NRXN2: variants seen among roughly 807,000 people sequenced by gnomAD.
The protein encoded by NRXN2 is neurexin-2-beta.
NRXN2 carries 29 observed loss-of-function variants against 128.8 expected under a neutral mutation model. The ratio of observed to expected loss-of-function variants is 0.23; its 90% confidence interval spans 0.17 to 0.31. The LOEUF (loss-of-function observed/expected upper bound fraction) is 0.31. Among genes scored for constraint, NRXN2 ranks in the 10% least tolerant of loss-of-function variants. The pLI, the probability that NRXN2 is intolerant of heterozygous loss-of-function variation, is 1.00. For missense variants in NRXN2, 1,881 were observed against 2,452.6 expected, an observed-to-expected ratio of 0.77 and a Z score of 4.92; for synonymous variants, 1,098 against 1,075.2, an observed-to-expected ratio of 1.02 and a Z score of -0.41.
chr11:64,661,358 G>A, intron 9 of NRXN2: 1 of 1,441,932 alleles, frequency 6.9e-7, no homozygotes, highest in Non-Finnish European at 9.1e-7. Context: ...CTGTGACGCA[G>A]CCCCAGCCCA....
In NRXN2 at chr11:64,648,987, C is replaced by T; in HGVS notation, c.3110-80G>A. On this transcript the variant is annotated intron_variant, in intron 15 of 22. Transcript: ENST00000265459. This position sits in a 1 kb window ranked among gnomAD's most constrained non-coding sequence, Gnocchi z 4.1. The stretch of plus-strand genomic sequence containing the variant: ...CAATGGCATCTGGCTGTCAGGTCCT[C>T]CCAGCCTTCTCAGGTTCTCTGCGTT... 1 of 1,459,126 alleles carries T rather than the reference C, an allele frequency of 6.9e-7. No homozygotes were observed. The highest frequency in any genetic ancestry group is 1.1e-5 in the South Asian group (1 of 87,454). 90.4% of individuals were successfully genotyped at this position (1,459,126 alleles called of 1,614,324 possible). A position where few individuals can be genotyped will look rare whatever the true frequency, so the allele number is the denominator to read the frequency against.
intron 17 of NRXN2, chr11:64,643,436 T>A: frequency 8.1e-6 from 1 of 122,974 alleles, no homozygotes; most frequent in South Asian, 3.1e-4. Context: ...GAGGAGGGGA[T>A]AGGAGAGGAG....
chr11:64,611,344 C>T (rs142074933), intron 22 of NRXN2, among the ~76,000 whole-genome samples: 147 of 152,334 alleles, frequency 9.6e-4, no homozygotes, highest in Non-Finnish European at 1.8e-3. Context: ...CCAGCTCCCA[C>T]CCCAGCTCAC....
intron 2 of NRXN2, among the ~76,000 whole-genome samples, chr11:64,705,809 A>C (rs1017791744): frequency 1.3e-5 from 2 of 150,066 alleles, no homozygotes; most frequent in African/African-American, 2.5e-5. Context: ...AACCGTGCAG[A>C]CCTGAAACTT....
At chr11:64,677,561 T>C (rs1474544916) in intron 6 of NRXN2, among the ~76,000 whole-genome samples, 2 of 152,308 alleles carry the variant, frequency 1.3e-5, no homozygotes, top group East Asian at 3.9e-4. Context: ...CCCTGGGTTA[T>C]AAGCGTGTTA....
At chr11:64,638,293 G>T (rs1391735653) in intron 17 of NRXN2, among the ~76,000 whole-genome samples, 1 of 152,238 alleles carries the variant, frequency 6.6e-6, no homozygotes, top group Non-Finnish European at 1.5e-5. Flanking sequence ...GGGACTGGGC[G>T]GAGAGACACT....
At chr11:64,664,466 G>A (rs1385791883) in intron 9 of NRXN2, among the ~76,000 whole-genome samples, 1 of 130,368 alleles carries the variant, frequency 7.7e-6, no homozygotes. Context: ...CAACGAGAGC[G>A]AAACTCCGTG....
intron 7 of NRXN2, among the ~76,000 whole-genome samples, chr11:64,673,656 AAGACAGTATTG>A (rs1227778461): frequency 2.6e-5 from 4 of 151,998 alleles, no homozygotes; most frequent in African/African-American, 7.2e-5. Context: ...GGACTGAAAC[AAGACAGTATTG>A]TTTACTTTTT....
chr11:64,673,823 G>A (rs2135529367), intron 7 of NRXN2, among the ~76,000 whole-genome samples: 1 of 152,228 alleles, frequency 6.6e-6, no homozygotes, highest in Middle Eastern at 3.4e-3. Context: ...TGGAATGCCT[G>A]AGCTCAGCAG....
At chr11:64,678,477 G>A (rs2135544511) in intron 6 of NRXN2, among the ~76,000 whole-genome samples, 1 of 151,928 alleles carries the variant, frequency 6.6e-6, no homozygotes, top group East Asian at 1.9e-4. Context: ...ATAAACCCCT[G>A]AGTCTCCACT....
chr11:64,639,667 G>C (rs2045358346), intron 17 of NRXN2, among the ~76,000 whole-genome samples: 1 of 152,046 alleles, frequency 6.6e-6, no homozygotes, highest in Non-Finnish European at 1.5e-5. Context: ...GGCAGGTAAG[G>C]ACATTATGTA....
In NRXN2 at chr11:64,714,173, G is replaced by C. The variant is rs2135679251; in HGVS notation, c.-244-230C>G. On this transcript the variant is annotated intron_variant, in intron 1 of 22. Coordinates refer to ENST00000265459, the MANE Select transcript of NRXN2 (RefSeq NM_015080.4). This position sits in a 1 kb window ranked among gnomAD's most constrained non-coding sequence, Gnocchi z 4.5. ...TAGGGGCAGCATTGGTTTGAGATGT[G>C]GACAGGGAGAGGTGACACGTTCGAG... is the stretch of plus-strand genomic sequence containing the variant. 6.6e-6 allele frequency among the ~76,000 whole-genome samples: 1 copy of C among 151,366 alleles called. No homozygotes were observed. The highest frequency in any genetic ancestry group is 2.0e-4 in the East Asian group (1 of 5,056).
intron 18 of NRXN2, among the ~76,000 whole-genome samples, chr11:64,634,098 C>A (rs1800701230): frequency 6.6e-6 from 1 of 152,142 alleles, no homozygotes; most frequent in Admixed American, 6.5e-5. Context: ...CCCAAACAAG[C>A]CTCTCCCCTG....
At chr11:64,699,229 A>G (rs1224373839) in intron 2 of NRXN2, among the ~76,000 whole-genome samples, 1 of 152,010 alleles carries the variant, frequency 6.6e-6, no homozygotes, top group Non-Finnish European at 1.5e-5. Context: ...CTAGACACAC[A>G]CACCACCACC....
chr11:64,643,108 G>A (rs1223396750), intron 17 of NRXN2: 4 of 985,308 alleles, frequency 4.1e-6, no homozygotes, highest in East Asian at 1.2e-4. Flanking sequence ...AAACCCGGGG[G>A]AGCGCCCGGG....
intron 2 of NRXN2, among the ~76,000 whole-genome samples, chr11:64,701,926 G>A (rs1592221565): frequency 7.3e-6 from 1 of 136,470 alleles, no homozygotes; most frequent in East Asian, 2.4e-4. Flanking sequence ...CCCCCGCCCG[G>A]CCAGCCGCCC....
intron 17 of NRXN2, chr11:64,642,592 C>T (rs2045876966): frequency 6.2e-7 from 1 of 1,610,238 alleles, no homozygotes; most frequent in Admixed American, 1.7e-5. Context: ...GGGCACGGTG[C>T]CGTGCTTGCT....
chr11:64,622,638 G>A lies in NRXN2; in HGVS notation c.4173+115C>T. ...CAAAGTCAGCGACAGCAGCCTTCAG[G>A]ATCCCAACAGACCCCTTGGACCCTC... On this transcript the variant is annotated intron_variant, in intron 21 of 22. Transcript: ENST00000265459. This position sits in a 1 kb window ranked among gnomAD's most constrained non-coding sequence, Gnocchi z 4.3. The A allele has an allele frequency of 1.4e-6, 2 of 1,430,272 alleles. No individual in the cohort carries two copies. Among genetic ancestry groups the A allele is most frequent in the Non-Finnish European group, 1.9e-6 (2 of 1,060,472 alleles). The allele number at this position is 1,430,272 out of a possible 1,614,324, so 88.6% of individuals were successfully genotyped here.
intron 2 of NRXN2, among the ~76,000 whole-genome samples, chr11:64,703,121 T>C (rs550015155): frequency 2.0e-5 from 3 of 152,300 alleles, no homozygotes; most frequent in East Asian, 3.9e-4. Flanking sequence ...AATTATCTTA[T>C]TGAATCTCTA....
Sources: allele counts gnomAD v4.1 joint callset (sites outside exome capture counted in the v4.1 genomes callset), GRCh38; gene constraint gnomAD v4.1.1; non-coding constraint Gnocchi (gnomAD v3.1); transcripts MANE v1.5; gene names NCBI Gene and HGNC (gene_info 2026-07-23, HGNC 2026-07-21).